The following DCC variants were observed in gnomAD, a reference collection of about 807,000 sequenced individuals.
The protein encoded by DCC is DCC netrin 1 receptor, also known as netrin receptor DCC.
DCC carries 58 observed loss-of-function variants against 172.5 expected under a neutral mutation model. That is an observed-to-expected ratio of 0.34 (90% CI 0.27 to 0.42). The LOEUF is 0.42. Among genes scored for constraint, DCC ranks in the 10% least tolerant of loss-of-function variants. The probability of loss-of-function intolerance (pLI) is 1.00; values close to 1 mark genes in which losing one functional copy is unlikely to be tolerated. For synonymous variants in DCC, 709 were observed against 644.5 expected (o/e 1.10, Z -1.52); for missense variants, 1,740 against 1,791.0 (o/e 0.97, Z 0.51).
At chr18:53,333,955 G>T (rs1275697095) in intron 14 of DCC, among the ~76,000 whole-genome samples, 1 of 152,068 alleles carries the variant, frequency 6.6e-6, no homozygotes, top group Non-Finnish European at 1.5e-5. Flanking sequence ...ATGACCCAAG[G>T]AAATCTCACC....
At chr18:52,949,614 G>A (rs755912287) in intron 5 of DCC, among the ~76,000 whole-genome samples, 3 of 152,172 alleles carry the variant, frequency 2.0e-5, no homozygotes, top group African/African-American at 7.2e-5. Context: ...TTAATCCTAA[G>A]TTCTGATGAC....
intron 12 of DCC, among the ~76,000 whole-genome samples, chr18:53,217,288 CACACACACACACAT>C (rs1310218121): frequency 4.0e-4 from 48 of 119,508 alleles, no homozygotes; most frequent in African/African-American, 9.7e-4. Context: ...CACACACACA[CACACACACACACAT>C]ATGTATATAC....
intron 7 of DCC, among the ~76,000 whole-genome samples, chr18:53,071,412 G>A (rs1236615621): frequency 1.3e-5 from 2 of 152,086 alleles, no homozygotes; most frequent in Non-Finnish European, 2.9e-5. Context: ...GAAGATCAAT[G>A]GTGTTTTTAA....
chr18:52,786,311 TGCA>T (rs2037658412), intron 2 of DCC, among the ~76,000 whole-genome samples: 1 of 152,068 alleles, frequency 6.6e-6, no homozygotes, highest in Non-Finnish European at 1.5e-5. Flanking sequence ...TCTTCCAAGC[TGCA>T]GGAAATCACC....
In DCC at chr18:52,876,731, CTG is replaced by C. The variant is rs544797091; in HGVS notation, c.413-29312_413-29311del. On this transcript the variant is annotated intron_variant, in intron 2 of 28. Coordinates refer to ENST00000442544, the MANE Select transcript of DCC (RefSeq NM_005215.4). Reference sequence around the variant, plus strand: ...CTGACTGAGTAGTCTAGGATGAGGTCTGAGAGTCAAAAACATGAATGTGGGGA... The same window carrying C: ...CTGACTGAGTAGTCTAGGATGAGGTCAGAGTCAAAAACATGAATGTGGGGA... 1.2e-3 allele frequency among the ~76,000 whole-genome samples: 184 copies of C among 152,256 alleles called. 1 individual carries two copies. Among genetic ancestry groups the C allele is most frequent in the African/African-American group, 4.2e-3 (174 of 41,546 alleles).
chr18:53,010,737 A>G, intron 5 of DCC, among the ~76,000 whole-genome samples: 1 of 151,124 alleles, frequency 6.6e-6, no homozygotes, highest in South Asian at 2.1e-4. Flanking sequence ...TTTATGATAT[A>G]CTTTCTGTTA....
At chr18:53,234,680 T>C (rs1488937500) in intron 12 of DCC, among the ~76,000 whole-genome samples, 4 of 152,126 alleles carry the variant, frequency 2.6e-5, no homozygotes, top group East Asian at 3.9e-4. Context: ...CCCTTGGCAA[T>C]TTAGTGACAA....
At chr18:52,378,793 C>A (rs921223697) in intron 1 of DCC, among the ~76,000 whole-genome samples, 2 of 151,996 alleles carry the variant, frequency 1.3e-5, no homozygotes, top group African/African-American at 4.8e-5. Context: ...AGCAGTCCTC[C>A]CACCTCAGCC....
At chr18:52,907,037 C>A (rs2039893978) in intron 3 of DCC, among the ~76,000 whole-genome samples, 1 of 151,732 alleles carries the variant, frequency 6.6e-6, no homozygotes, top group African/African-American at 2.4e-5. Context: ...TAACCAGTGA[C>A]AACACTTACA....
At chr18:52,499,945 T>C (rs2030955084) in intron 1 of DCC, among the ~76,000 whole-genome samples, 1 of 152,238 alleles carries the variant, frequency 6.6e-6, no homozygotes, top group South Asian at 2.1e-4. Flanking sequence ...ATAAATCCTA[T>C]ATATCATCTC....
intron 1 of DCC, among the ~76,000 whole-genome samples, chr18:52,531,171 C>G (rs973509581): frequency 6.6e-6 from 1 of 152,176 alleles, no homozygotes; most frequent in Non-Finnish European, 1.5e-5. Context: ...TCCTTATCAC[C>G]AGGGCTGCAT....
At position 53,356,911 on chromosome 18, in the gene DCC, T is replaced by C. The variant is rs532444146; in HGVS notation, c.2359+17004T>C. 2.0e-5 allele frequency among the ~76,000 whole-genome samples: 3 copies of C among 152,186 alleles called. No homozygotes were observed. In the South Asian group the frequency reaches 6.2e-4, roughly 32 times the overall value. On this transcript the variant is annotated intron_variant, in intron 15 of 28. Transcript: ENST00000442544. Reference sequence around the variant, plus strand: ...TTTCTCTTTTGCAGCCTGGAAACTTTCCATATAATCAGATAAAGAAATCAA... The same window carrying C: ...TTTCTCTTTTGCAGCCTGGAAACTTCCCATATAATCAGATAAAGAAATCAA...
intron 1 of DCC, among the ~76,000 whole-genome samples, chr18:52,504,765 C>T (rs1030015998): frequency 2.6e-4 from 40 of 152,048 alleles, no homozygotes; most frequent in African/African-American, 3.4e-4. Context: ...ACCTTTGTGC[C>T]GCCCCTCCCC....
intron 5 of DCC, among the ~76,000 whole-genome samples, chr18:52,979,914 G>C (rs915717693): frequency 2.6e-5 from 4 of 152,180 alleles, no homozygotes; most frequent in African/African-American, 9.6e-5. Flanking sequence ...TGGTTGCAAA[G>C]GGCAACTTCA....
intron 1 of DCC, among the ~76,000 whole-genome samples, chr18:52,662,199 A>G (rs1426323998): frequency 6.6e-6 from 1 of 152,180 alleles, no homozygotes. Flanking sequence ...ACCTAGGAAT[A>G]TACATTTCTA....
intron 1 of DCC, among the ~76,000 whole-genome samples, chr18:52,396,166 T>G (rs1244553597): frequency 6.6e-6 from 1 of 151,928 alleles, no homozygotes; most frequent in Non-Finnish European, 1.5e-5. Context: ...TATTTCCCGT[T>G]AAAGCAGAAA....
At chr18:52,641,456 T>G (rs1329450951) in intron 1 of DCC, among the ~76,000 whole-genome samples, 1 of 152,058 alleles carries the variant, frequency 6.6e-6, no homozygotes, top group East Asian at 1.9e-4. Flanking sequence ...ATCTTCACTA[T>G]CTATACATCT....
At chr18:52,765,032 C>CT (rs1193909081) in intron 2 of DCC, among the ~76,000 whole-genome samples, 357 of 133,782 alleles carry the variant, frequency 2.7e-3, no homozygotes, top group East Asian at 5.4e-3. Context: ...TCTTTTTTTT[C>CT]TTTTTTTTTT....
At chr18:52,880,413 T>C (rs1240631213) in intron 2 of DCC, among the ~76,000 whole-genome samples, 1 of 152,144 alleles carries the variant, frequency 6.6e-6, no homozygotes, top group African/African-American at 2.4e-5. Flanking sequence ...CCTCCCAAAG[T>C]GTTAGGATTA....
Sources: allele counts gnomAD v4.1 joint callset (sites outside exome capture counted in the v4.1 genomes callset), GRCh38; gene constraint gnomAD v4.1.1; transcripts MANE v1.5; gene names NCBI Gene and HGNC (gene_info 2026-07-23, HGNC 2026-07-21).